UXS1: variants seen among roughly 807,000 people sequenced by gnomAD.
UXS1 encodes the protein UDP-glucuronic acid decarboxylase 1.
Under a neutral mutation model 62.6 loss-of-function variants are expected in UXS1, and 33 were observed. That is an observed-to-expected ratio of 0.53 (90% CI 0.40 to 0.70). UXS1 has a LOEUF of 0.70. Ranked by LOEUF, UXS1 falls within the 30% of genes least tolerant of loss-of-function variation. The probability of loss-of-function intolerance (pLI) is 0.00; values close to 1 mark genes in which losing one functional copy is unlikely to be tolerated. For missense variants in UXS1, 434 were observed against 556.3 expected (o/e 0.78, Z 2.21); for synonymous variants, 213 against 206.8 (o/e 1.03, Z -0.26).
intron 4 of UXS1, among the ~76,000 whole-genome samples, chr2:106,162,247 A>G (rs994660796): frequency 6.6e-6 from 1 of 152,224 alleles, no homozygotes; most frequent in African/African-American, 2.4e-5. Context: ...ACAGGTTGAC[A>G]AGAATAAATT....
intron 11 of UXS1, among the ~76,000 whole-genome samples, chr2:106,104,492 C>T (rs1488066468): frequency 1.3e-5 from 2 of 152,236 alleles, no homozygotes; most frequent in East Asian, 3.8e-4. Flanking sequence ...CATCTCTTAA[C>T]TCCACCTGCG....
intron 5 of UXS1, among the ~76,000 whole-genome samples, chr2:106,150,209 C>T (rs1236708792): frequency 6.6e-6 from 1 of 152,152 alleles, no homozygotes; most frequent in East Asian, 1.9e-4. Flanking sequence ...GATTTAAAGA[C>T]AGATTGTATA....
rs1678726639 is a variant in UXS1, at chr2:106,112,793, T to G, written c.760-28A>C. 4 of 1,607,386 alleles carry G rather than the reference T, an allele frequency of 2.5e-6. No individual in the cohort carries two copies. The African/African-American group carries it at 5.3e-5, about 21-fold the overall frequency. On this transcript the variant is annotated intron_variant, in intron 9 of 14. Coordinates refer to ENST00000283148, the MANE Select transcript of UXS1 (RefSeq NM_001253875.2). ...GGAACAGAGAGAAGAGGAGGTCAGGTGTGCTCCCCTGTGTGGTCCACGCAT... is the reference window on the plus strand; with the variant it reads ...GGAACAGAGAGAAGAGGAGGTCAGGGGTGCTCCCCTGTGTGGTCCACGCAT...
intron 5 of UXS1, among the ~76,000 whole-genome samples, chr2:106,151,098 T>C (rs753221922): frequency 6.6e-6 from 1 of 152,224 alleles, no homozygotes; most frequent in Non-Finnish European, 1.5e-5. Flanking sequence ...AGATAACTTG[T>C]TTTGATTTCA....
At position 106,194,296 on chromosome 2, in the gene UXS1, C is replaced by G. The variant is rs1284635005; in HGVS notation, c.-55G>C. Reference sequence around the variant, plus strand: ...ACCGCGCGGGGGCCCGCCTGCTGCACAATGCGCGGCGGCGGCGGCGGCAGC... The same window carrying G: ...ACCGCGCGGGGGCCCGCCTGCTGCAGAATGCGCGGCGGCGGCGGCGGCAGC... On this transcript the variant is annotated 5_prime_UTR_variant, in exon 1 of 15. Transcript: ENST00000283148. 45 of 1,056,386 alleles carry G rather than the reference C, an allele frequency of 4.3e-5. No individual in the cohort carries two copies. Among genetic ancestry groups the G allele is most frequent in the Non-Finnish European group, 5.2e-5 (44 of 851,610 alleles). The allele number at this position is 1,056,386 out of a possible 1,614,324, so 65.4% of individuals were successfully genotyped here. A position where few individuals can be genotyped will look rare whatever the true frequency, so the allele number is the denominator to read the frequency against.
intron 9 of UXS1, among the ~76,000 whole-genome samples, chr2:106,115,331 A>G (rs1678974291): frequency 6.6e-6 from 1 of 152,116 alleles, no homozygotes; most frequent in Non-Finnish European, 1.5e-5. Context: ...CAAGAAGCAA[A>G]CACATTCATG....
chr2:106,146,322 C>T (rs766279522), intron 5 of UXS1, among the ~76,000 whole-genome samples: 19 of 152,182 alleles, frequency 1.2e-4, no homozygotes, highest in South Asian at 6.2e-4. Context: ...CTGTTTCAAA[C>T]GGAAAGTATT....
intron 1 of UXS1, among the ~76,000 whole-genome samples, chr2:106,177,704 C>T (rs1418235993): frequency 2.0e-5 from 3 of 152,176 alleles, no homozygotes; most frequent in African/African-American, 7.2e-5. Flanking sequence ...GGAATTGGGC[C>T]CTCACCAGAT....
Position 106,164,754 on chromosome 2 carries a change from A to T in UXS1, c.168T>A (p.Ile56=), listed in dbSNP as rs1402923672. The stretch of plus-strand genomic sequence containing the variant: ...GACTAACCTCTTCAATCTTGCTTTC[A>T]ATTTTTAGTTCACCATTTTCCTGGA... ...RSIQENGELK[I]ESKIEEMVEP... Residue 56 remains isoleucine (I), a synonymous_variant, in exon 3 of 15, where the codon ATT becomes ATA. Coordinates refer to ENST00000283148, the MANE Select transcript of UXS1 (RefSeq NM_001253875.2). 1.9e-6 allele frequency: 3 copies of T among 1,588,262 alleles called. No homozygotes were observed. Among genetic ancestry groups the T allele is most frequent in the Non-Finnish European group, 2.6e-6 (3 of 1,166,388 alleles).
At chr2:106,114,464 T>A (rs1304316152) in intron 9 of UXS1, among the ~76,000 whole-genome samples, 1 of 152,148 alleles carries the variant, frequency 6.6e-6, no homozygotes, top group Non-Finnish European at 1.5e-5. Context: ...TTGCATTTAA[T>A]TGATAAGATG....
intron 11 of UXS1, among the ~76,000 whole-genome samples, chr2:106,103,241 A>G (rs1330274023): frequency 6.6e-6 from 1 of 152,194 alleles, no homozygotes; most frequent in East Asian, 1.9e-4. Context: ...TTTTAAATGA[A>G]TTTTGCACAC....
intron 9 of UXS1, among the ~76,000 whole-genome samples, chr2:106,116,555 T>C (rs1365713257): frequency 6.6e-6 from 1 of 152,262 alleles, no homozygotes; most frequent in African/African-American, 2.4e-5. Context: ...ACCCTCTCTT[T>C]GTCCATGTCA....
intron 11 of UXS1, among the ~76,000 whole-genome samples, chr2:106,104,541 C>G (rs1677886596): frequency 6.6e-6 from 1 of 152,234 alleles, no homozygotes; most frequent in African/African-American, 2.4e-5. Context: ...TGGGCAACTT[C>G]ACCCACACAC....
At position 106,123,081 on chromosome 2, in the gene UXS1, G is replaced by A. The variant is rs1429691043; in HGVS notation, c.648C>T (p.Val216=). Residue 216 remains valine, a synonymous_variant, in exon 9 of 15, where the codon GTC becomes GTT. Transcript: ENST00000283148. ...STSEVYGDPE[V]HPQSEDYWGH... Reference sequence around the variant, plus strand: ...CCCAGTAATCCTCACTTTGAGGGTGGACTTCAGGATCTACGATGGGAGAAA... The same window carrying A: ...CCCAGTAATCCTCACTTTGAGGGTGAACTTCAGGATCTACGATGGGAGAAA... 2 of 1,613,786 alleles carry A rather than the reference G, an allele frequency of 1.2e-6. No individual in the cohort carries two copies. The highest frequency in any genetic ancestry group is 1.7e-6 in the Non-Finnish European group (2 of 1,179,832).
chr2:106,166,232 A>C, intron 1 of UXS1, 149 bp from the exon 2 acceptor site: 1 of 750,184 alleles, frequency 1.3e-6, no homozygotes, highest in Non-Finnish European at 2.1e-6. Flanking sequence ...TTGTTTTCAA[A>C]ACAATTAAAT....
chr2:106,097,138 C>G lies in UXS1; in HGVS notation c.1043-317G>C, dbSNP rs1250224340. 6 of 501,072 alleles carry G rather than the reference C, an allele frequency of 1.2e-5. No individual in the cohort carries two copies. The Admixed American group carries it at 1.4e-4, about 11-fold the overall frequency. 31.0% of individuals were successfully genotyped at this position (501,072 alleles called of 1,614,324 possible). A position where few individuals can be genotyped will look rare whatever the true frequency, so the allele number is the denominator to read the frequency against. On this transcript the variant is annotated intron_variant, in intron 13 of 14. Coordinates refer to ENST00000283148, the MANE Select transcript of UXS1 (RefSeq NM_001253875.2). ...GAGGGTTGCTCCAAGGCAGACCACC[C>G]ACACCAGGTAACAAGTGCAGACGTG... is the stretch of plus-strand genomic sequence containing the variant.
In UXS1 at chr2:106,097,935, C is replaced by T. The variant is rs1007084922; in HGVS notation, c.1042+781G>A. Among the ~76,000 whole-genome samples, 9 of 152,238 alleles carry T rather than the reference C, an allele frequency of 5.9e-5. No individual in the cohort carries two copies. The East Asian group carries it at 1.2e-3, about 20-fold the overall frequency. ...GAGCAACGGGAGGATTCCAGCCATC[C>T]GGGTCGATTAGACCAATGCCGATGA... On this transcript the variant is annotated intron_variant, in intron 13 of 14. Coordinates refer to ENST00000283148, the MANE Select transcript of UXS1 (RefSeq NM_001253875.2).
At chr2:106,160,287 C>G (rs1419504815) in intron 4 of UXS1, 1 of 152,310 alleles carries the variant, frequency 6.6e-6, no homozygotes, top group African/African-American at 2.4e-5. Context: ...TCCATGTCTT[C>G]AGCCTCAGTC....
At chr2:106,172,270 C>A (rs1395975576) in intron 1 of UXS1, among the ~76,000 whole-genome samples, 1 of 152,150 alleles carries the variant, frequency 6.6e-6, no homozygotes, top group Non-Finnish European at 1.5e-5. Flanking sequence ...AGTGTGCCCC[C>A]ATTCCTGCAA....
Sources: allele counts gnomAD v4.1 joint callset (sites outside exome capture counted in the v4.1 genomes callset), GRCh38; gene constraint gnomAD v4.1.1; transcripts MANE v1.5; gene names NCBI Gene and HGNC (gene_info 2026-07-23, HGNC 2026-07-21).